PDE10A: variants seen among roughly 807,000 people sequenced by gnomAD.
The protein encoded by PDE10A is cAMP and cAMP-inhibited cGMP 3',5'-cyclic phosphodiesterase 10A.
A neutral mutation model predicts 97.7 loss-of-function variants in PDE10A; 39 were observed. The observed-to-expected ratio is 0.40, with a 90% CI of 0.31 to 0.52. The LOEUF (loss-of-function observed/expected upper bound fraction) is 0.52, where lower values mean the gene tolerates loss of function less well. Among genes scored for constraint, PDE10A ranks in the 20% least tolerant of loss-of-function variants. PDE10A has a pLI of 0.56. For synonymous variants in PDE10A, 371 were observed against 376.8 expected (o/e 0.98, Z 0.18); for missense variants, 731 against 1,047.8 (o/e 0.70, Z 4.17).
At chr6:165,539,856 G>A (rs1422616597) in intron 2 of PDE10A, among the ~76,000 whole-genome samples, 1 of 152,134 alleles carries the variant, frequency 6.6e-6, no homozygotes, top group Non-Finnish European at 1.5e-5. Flanking sequence ...GAACCTTGAG[G>A]CGGAGGTTGC....
chr6:165,332,662 C>A lies in PDE10A; in HGVS notation c.*363G>T, dbSNP rs1355325964. 1 of 223,652 alleles carries A rather than the reference C, an allele frequency of 4.5e-6. No homozygotes were observed. Among genetic ancestry groups the A allele is most frequent in the Non-Finnish European group, 8.8e-6 (1 of 113,966 alleles). The allele number at this position is 223,652 out of a possible 1,614,324, so 13.9% of individuals were successfully genotyped here. On this transcript the variant is annotated 3_prime_UTR_variant, in exon 22 of 22. Transcript: ENST00000539869. Reference sequence around the variant, plus strand: ...AATACCATAATAGTACCATTTTAAACCCTTATTAGAAAGATACAATGGAAA... The same window carrying A: ...AATACCATAATAGTACCATTTTAAAACCTTATTAGAAAGATACAATGGAAA...
chr6:165,972,043 A>AG (rs1473012854), intron 1 of PDE10A, among the ~76,000 whole-genome samples: 1 of 152,132 alleles, frequency 6.6e-6, no homozygotes, highest in African/African-American at 2.4e-5. Flanking sequence ...CTGGGGTGTG[A>AG]GGGGGTGAAA....
At chr6:165,962,588 G>T (rs764300486) in intron 1 of PDE10A, among the ~76,000 whole-genome samples, 1 of 152,188 alleles carries the variant, frequency 6.6e-6, no homozygotes, top group Non-Finnish European at 1.5e-5. Context: ...CTCTGACCAC[G>T]TGCTGTGGAA....
At chr6:165,891,643 C>G (rs943991472) in intron 1 of PDE10A, among the ~76,000 whole-genome samples, 1 of 151,846 alleles carries the variant, frequency 6.6e-6, no homozygotes, top group East Asian at 1.9e-4. Context: ...TCCAGGCTGC[C>G]GTAGGAGACT....
At chr6:165,912,078 T>C (rs1782476349) in intron 1 of PDE10A, among the ~76,000 whole-genome samples, 1 of 152,040 alleles carries the variant, frequency 6.6e-6, no homozygotes, top group Non-Finnish European at 1.5e-5. Flanking sequence ...TCTCTATCAA[T>C]CATCTATCAT....
intron 3 of PDE10A, among the ~76,000 whole-genome samples, chr6:165,468,011 A>C (rs1300902118): frequency 2.6e-5 from 4 of 152,150 alleles, no homozygotes; most frequent in Non-Finnish European, 1.5e-5. Flanking sequence ...CCCCCAGCAA[A>C]AAGATTACAA....
At chr6:165,742,464 T>C (rs1053472889) in intron 1 of PDE10A, among the ~76,000 whole-genome samples, 4 of 151,856 alleles carry the variant, frequency 2.6e-5, no homozygotes, top group Non-Finnish European at 2.9e-5. Context: ...TCATCCCGAG[T>C]CCCACCCAGG....
intron 1 of PDE10A, among the ~76,000 whole-genome samples, chr6:165,695,694 A>G (rs1254402937): frequency 6.6e-6 from 1 of 152,182 alleles, no homozygotes; most frequent in Non-Finnish European, 1.5e-5. Flanking sequence ...GGGCACTCTC[A>G]AGAACAGTGG....
chr6:165,791,824 G>A (rs914083294), intron 1 of PDE10A, among the ~76,000 whole-genome samples: 2 of 152,190 alleles, frequency 1.3e-5, no homozygotes, highest in Admixed American at 6.5e-5. Context: ...TAGGGACAGC[G>A]TGAGAAGAAT....
In PDE10A at chr6:165,655,063, A is replaced by G. The variant is rs140114745; in HGVS notation, c.865+6884T>C. ...AATCTCTCTTTCTACTCCGGCTCAT[A>G]GCACAGAATTCCAGCGGGCCGTCCG... On this transcript the variant is annotated intron_variant, in intron 1 of 21. Coordinates refer to ENST00000539869, the MANE Select transcript of PDE10A (RefSeq NM_001385079.1). The surrounding 1 kb of genome is among the most constrained non-coding windows in gnomAD (Gnocchi z 4.5). Among the ~76,000 whole-genome samples the G allele has an allele frequency of 6.6e-6, 1 of 152,284 alleles. No homozygotes were observed. Among genetic ancestry groups the G allele is most frequent in the East Asian group, 1.9e-4 (1 of 5,172 alleles).
intron 2 of PDE10A, among the ~76,000 whole-genome samples, chr6:165,503,228 T>C (rs1780997159): frequency 6.6e-6 from 1 of 152,130 alleles, no homozygotes; most frequent in African/African-American, 2.4e-5. Flanking sequence ...TCCATTCTTT[T>C]CACAGCCACA....
At chr6:165,656,660 C>A (rs992269764) in intron 1 of PDE10A, among the ~76,000 whole-genome samples, 25 of 152,210 alleles carry the variant, frequency 1.6e-4, no homozygotes, top group Non-Finnish European at 3.1e-4. Flanking sequence ...CCTGTCCAGG[C>A]TGTTTTCCAC....
chr6:165,931,938 G>A (rs1032003210), intron 1 of PDE10A, among the ~76,000 whole-genome samples: 2 of 152,154 alleles, frequency 1.3e-5, no homozygotes, highest in African/African-American at 2.4e-5. Context: ...CACACCCTGC[G>A]GCTCTCATCA....
chr6:165,692,296 C>T lies in PDE10A; in HGVS notation c.-614-148728G>A, dbSNP rs569882777. On this transcript the variant is annotated intron_variant, in intron 1 of 19. Transcript: ENST00000366882. ...AAAGGAGCCTGAGGCTGGGATCAAG[C>T]GTGCTAAATTCTCACTGTGTTCAGA... Among the ~76,000 whole-genome samples the T allele has an allele frequency of 5.3e-5, 8 of 152,122 alleles. No homozygotes were observed. The East Asian group carries it at 7.7e-4, about 15-fold the overall frequency.
intron 1 of PDE10A, among the ~76,000 whole-genome samples, chr6:165,673,814 T>C (rs566651930): frequency 1.3e-5 from 2 of 152,342 alleles, no homozygotes; most frequent in South Asian, 4.1e-4. Flanking sequence ...CTTATATGTT[T>C]CTAAATGGTT....
chr6:165,443,188 C>A (rs1284785536), intron 5 of PDE10A, among the ~76,000 whole-genome samples: 2 of 151,478 alleles, frequency 1.3e-5, no homozygotes, highest in African/African-American at 4.9e-5. Flanking sequence ...CACCTGTGAG[C>A]CTCTAAAATC....
intron 1 of PDE10A, among the ~76,000 whole-genome samples, chr6:165,736,738 C>T (rs1792584654): frequency 6.6e-6 from 1 of 152,158 alleles, no homozygotes; most frequent in African/African-American, 2.4e-5. Flanking sequence ...AACCTCACTT[C>T]ACACTTCAAG....
intron 1 of PDE10A, among the ~76,000 whole-genome samples, chr6:165,827,093 G>C (rs898167790): frequency 2.6e-4 from 40 of 152,182 alleles, no homozygotes; most frequent in African/African-American, 8.0e-4. Context: ...GGGAATGTCG[G>C]GGCCGACCCG....
In PDE10A at chr6:165,543,525, G is replaced by C; in HGVS notation, c.909C>G (p.Pro303=). 6.2e-7 allele frequency: 1 copy of C among 1,610,536 alleles called. No individual in the cohort carries two copies. The highest frequency in any genetic ancestry group is 8.5e-7 in the Non-Finnish European group (1 of 1,177,730). Residue 303 remains proline, a synonymous_variant, in exon 2 of 22, where the codon CCC becomes CCG. Transcript: ENST00000539869. The stretch of plus-strand genomic sequence containing the variant: ...CAGATACAAATTCATCTAATACCTG[G>C]GGGTGAAGAGAAAGATATGCCTTCA... ...EKVKAYLSLH[P]QVLDEFVSES...
Sources: gnomAD v4.1 joint callset for allele counts (sites outside exome capture counted in the v4.1 genomes callset) on GRCh38, gnomAD v4.1.1 for gene constraint, Gnocchi (gnomAD v3.1) non-coding constraint, MANE v1.5 for transcripts, NCBI Gene and HGNC (gene_info 2026-07-23, HGNC 2026-07-21) for gene names.